The following SNTG1 variants were observed in gnomAD, a reference collection of about 807,000 sequenced individuals.
The protein encoded by SNTG1 is syntrophin gamma 1, also known as gamma-1-syntrophin.
A neutral mutation model predicts 74.7 loss-of-function variants in SNTG1; 39 were observed. The observed-to-expected ratio is 0.52, with a 90% confidence interval of 0.40 to 0.68. The LOEUF is 0.68. Ranked by LOEUF, SNTG1 falls within the 30% of genes least tolerant of loss-of-function variation. The probability of loss-of-function intolerance (pLI) is 0.00; values close to 1 mark genes in which losing one functional copy is unlikely to be tolerated. For missense variants in SNTG1, 685 were observed against 609.5 expected (o/e 1.12, Z -1.30); for synonymous variants, 254 against 217.1 (o/e 1.17, Z -1.49).
intron 1 of SNTG1, among the ~76,000 whole-genome samples, chr8:49,983,618 C>T (rs1019020996): frequency 2.6e-5 from 4 of 152,174 alleles, no homozygotes; most frequent in Admixed American, 2.6e-4. Flanking sequence ...ATTCACTGCT[C>T]TTGCCCTGGA....
chr8:50,386,198 T>A (rs956324580), intron 2 of SNTG1, among the ~76,000 whole-genome samples: 1 of 152,068 alleles, frequency 6.6e-6, no homozygotes, highest in Non-Finnish European at 1.5e-5. Context: ...ACATACAATG[T>A]GTTCACAGAC....
intron 1 of SNTG1, among the ~76,000 whole-genome samples, chr8:50,151,856 C>T (rs143113202): frequency 1.6e-3 from 249 of 152,094 alleles, no homozygotes; most frequent in African/African-American, 5.1e-3. Context: ...GGAATAAGTG[C>T]GATGCAGTGC....
At chr8:50,683,960 A>G (rs1422326525) in intron 15 of SNTG1, among the ~76,000 whole-genome samples, 3 of 152,238 alleles carry the variant, frequency 2.0e-5, no homozygotes. Flanking sequence ...AAATTGGTAT[A>G]AGCTGCTATG....
intron 18 of SNTG1, among the ~76,000 whole-genome samples, chr8:50,753,739 T>C (rs919272254): frequency 6.6e-6 from 1 of 151,872 alleles, no homozygotes; most frequent in African/African-American, 2.4e-5. Flanking sequence ...AGTGTAAGAA[T>C]AGATATTTGG....
chr8:50,669,217 A>T (rs928399587), intron 15 of SNTG1, among the ~76,000 whole-genome samples: 4 of 95,418 alleles, frequency 4.2e-5, no homozygotes, highest in Non-Finnish European at 7.2e-5. Context: ...TAGAGATTTA[A>T]AAAAAAAACC....
At position 50,131,869 on chromosome 8, in the gene SNTG1, T is replaced by G. The variant is rs544233968; in HGVS notation, c.-102-40692T>G. On this transcript the variant is annotated intron_variant, in intron 1 of 18. Coordinates refer to ENST00000642720, the MANE Select transcript of SNTG1 (RefSeq NM_018967.5). ...GTTACCTTTATATATATACAATATA[T>G]ATAAAATAGCCATTCAAACATATGA... 2.0e-5 allele frequency among the ~76,000 whole-genome samples: 3 copies of G among 152,182 alleles called. No homozygotes were observed. In the East Asian group the frequency reaches 5.8e-4, roughly 29 times the overall value.
chr8:50,488,825 C>A (rs891342365), intron 8 of SNTG1, among the ~76,000 whole-genome samples: 1 of 152,056 alleles, frequency 6.6e-6, no homozygotes, highest in Non-Finnish European at 1.5e-5. Flanking sequence ...ATGTGCAGAA[C>A]GCGCAGGTTT....
chr8:50,325,525 T>C (rs144190547), intron 2 of SNTG1, among the ~76,000 whole-genome samples: 17 of 152,188 alleles, frequency 1.1e-4, no homozygotes, highest in Admixed American at 1.0e-3. Context: ...AGGTCATTCA[T>C]GGTATATAGA....
intron 1 of SNTG1, among the ~76,000 whole-genome samples, chr8:50,167,702 A>G (rs1010067912): frequency 4.6e-5 from 7 of 151,330 alleles, no homozygotes; most frequent in African/African-American, 1.7e-4. Flanking sequence ...AGTCCCAGCT[A>G]TTCAGGAAGC....
intron 17 of SNTG1, among the ~76,000 whole-genome samples, chr8:50,714,014 G>A (rs1480650970): frequency 3.5e-5 from 5 of 141,668 alleles, no homozygotes; most frequent in Admixed American, 2.2e-4. Context: ...AGTGGACATC[G>A]CACCACTGCA....
At chr8:50,376,756 T>TAGAGAG (rs58103614) in intron 2 of SNTG1, among the ~76,000 whole-genome samples, 38 of 89,944 alleles carry the variant, frequency 4.2e-4, no homozygotes, top group African/African-American at 5.8e-4. Flanking sequence ...TATATATATA[T>TAGAGAG]AGAGAGAGAG....
chr8:50,175,430 T>C (rs1001410093), intron 2 of SNTG1, among the ~76,000 whole-genome samples: 1 of 152,212 alleles, frequency 6.6e-6, no homozygotes, highest in African/African-American at 2.4e-5. Flanking sequence ...CAATCCTTAA[T>C]TTGGAAGCAC....
chr8:50,179,142 C>G (rs2083110281), intron 2 of SNTG1, among the ~76,000 whole-genome samples: 1 of 152,118 alleles, frequency 6.6e-6, no homozygotes, highest in Non-Finnish European at 1.5e-5. Flanking sequence ...TTTTTGGGCT[C>G]TCTACTCTGT....
intron 17 of SNTG1, among the ~76,000 whole-genome samples, chr8:50,740,702 C>A (rs908349055): frequency 2.0e-5 from 3 of 152,012 alleles, no homozygotes; most frequent in African/African-American, 7.2e-5. Context: ...ATGTTCACTG[C>A]AGCACTGTTC....
intron 4 of SNTG1, among the ~76,000 whole-genome samples, chr8:50,412,683 T>C (rs1185792001): frequency 1.3e-5 from 2 of 152,174 alleles, no homozygotes; most frequent in African/African-American, 2.4e-5. Context: ...ACCTCTTAAA[T>C]AGCAGGTAGA....
Position 50,794,988 on chromosome 8 carries a change from A to G in SNTG1, c.*2159A>G, listed in dbSNP as rs1363919368. The G allele has an allele frequency of 1.3e-5, 2 of 152,034 alleles. No individual in the cohort carries two copies. The highest frequency in any genetic ancestry group is 2.9e-5 in the Non-Finnish European group (2 of 67,968). The allele number at this position is 152,034 out of a possible 1,614,324, so 9.4% of individuals were successfully genotyped here. On this transcript the variant is annotated 3_prime_UTR_variant, in exon 19 of 19. Transcript: ENST00000642720. ...TGTGTTACGAAGGAAAAGGTGCACA[A>G]TGAGATATGTATAAATATATATCTC... is the stretch of plus-strand genomic sequence containing the variant.
chr8:49,948,614 T>C (rs771453063), intron 1 of SNTG1, among the ~76,000 whole-genome samples: 2 of 152,352 alleles, frequency 1.3e-5, no homozygotes, highest in African/African-American at 2.4e-5. Flanking sequence ...CTTTTGAATG[T>C]TGTACTCGAA....
intron 2 of SNTG1, among the ~76,000 whole-genome samples, chr8:50,307,568 T>C (rs1205965646): frequency 6.6e-6 from 1 of 152,088 alleles, no homozygotes; most frequent in Non-Finnish European, 1.5e-5. Flanking sequence ...ATAAAAAATA[T>C]TCCTGTGTTT....
intron 8 of SNTG1, among the ~76,000 whole-genome samples, chr8:50,488,316 A>G (rs2093817428): frequency 6.6e-6 from 1 of 152,178 alleles, no homozygotes; most frequent in South Asian, 2.1e-4. Context: ...ATGTAGTTTT[A>G]TTTGTCAGTC....
Sources: gnomAD v4.1 joint callset for allele counts (sites outside exome capture counted in the v4.1 genomes callset) on GRCh38, gnomAD v4.1.1 for gene constraint, MANE v1.5 for transcripts, NCBI Gene and HGNC (gene_info 2026-07-23, HGNC 2026-07-21) for gene names.